The following CTAGE1 variants were observed in gnomAD, a reference collection of about 807,000 sequenced individuals.
CTAGE1 encodes the protein cTAGE family member 2.
For missense variants in CTAGE1, 963 were observed against 855.9 expected, an observed-to-expected ratio of 1.13 and a Z score of -1.56; for synonymous variants, 332 against 302.8, an observed-to-expected ratio of 1.10 and a Z score of -1.00.
chr18:22,415,383 C>G lies in CTAGE1; in HGVS notation c.*191G>C, dbSNP rs1007232735. The G allele has an allele frequency of 1.7e-5, 9 of 539,276 alleles. No homozygotes were observed. The highest frequency in any genetic ancestry group is 2.3e-5 in the Non-Finnish European group (7 of 302,370). The allele number at this position is 539,276 out of a possible 1,614,324, so 33.4% of individuals were successfully genotyped here. On this transcript the variant is annotated 3_prime_UTR_variant, in exon 1 of 1. Transcript: ENST00000391403. ...AAATACTATCCTGGGAATTATAGTT[C>G]CATTAAGTTTCAATCTGAACAAAAG...
Position 22,417,724 on chromosome 18 carries a change from A to G in CTAGE1, c.88T>C (p.Trp30Arg), listed in dbSNP as rs767099679. 3 of 1,614,154 alleles carry G rather than the reference A, an allele frequency of 1.9e-6. No homozygotes were observed. Among genetic ancestry groups the G allele is most frequent in the East Asian group, 2.2e-5 (1 of 44,894 alleles). ...VAGFFAVLFL[W>R]RSFRSVTSRL... ...CTCGTAACTGATCTAAAACTTCTCCACAAGAAGAGAACAGCAAAAAATCCA... is the reference window on the plus strand; with the variant it reads ...CTCGTAACTGATCTAAAACTTCTCCGCAAGAAGAGAACAGCAAAAAATCCA... The change falls in exon 1 of 1, where the codon TGG (tryptophan) becomes CGG (arginine). Residue 30 changes from tryptophan (W) to arginine (R), a missense_variant. Coordinates refer to ENST00000391403, the MANE Select transcript of CTAGE1 (RefSeq NM_172241.3).
rs1418629022 is a variant in CTAGE1 at position 22,416,980 on chromosome 18, G to A, written c.832C>T (p.Pro278Ser). The change falls in exon 1 of 1, where the codon CCT becomes TCT. Residue 278 changes from proline to serine, a missense_variant. Pro to Ser is a moderately conservative substitution (Grantham distance 74). Transcript: ENST00000391403. ...ESEDGAYLDNPPKGALKKLIH... is the reference protein window; with the variant it reads ...ESEDGAYLDNSPKGALKKLIH... ...AGTTTCTTCAAAGCTCCTTTTGGAG[G>A]ATTATCTAAGTAAGCACCATCTTCC... 4 of 1,613,818 alleles carry A rather than the reference G, an allele frequency of 2.5e-6. No individual in the cohort carries two copies. Among genetic ancestry groups the A allele is most frequent in the Non-Finnish European group, 2.5e-6 (3 of 1,179,882 alleles).
rs1374035960 is a variant in CTAGE1, at chr18:22,415,881, A to C, written c.1931T>G (p.Val644Gly). The change falls in exon 1 of 1, where the codon GTG becomes GGG. Residue 644 changes from valine to glycine, a missense_variant. Val to Gly is a moderately radical substitution (Grantham distance 109, BLOSUM62 -3). Transcript: ENST00000391403. ...TTCAGCGGGGAGAGATGAATCAGGC[A>C]CCTTTAAATTACCAAGATTATCTTT... ...DTKDNLGNLK[V>G]PDSSLPAENE... is the part of the protein sequence containing the mutation. The C allele has an allele frequency of 6.2e-7, 1 of 1,613,874 alleles. No individual in the cohort carries two copies. The highest frequency in any genetic ancestry group is 8.5e-7 in the Non-Finnish European group (1 of 1,179,856).
rs545500925 is a variant in CTAGE1 at position 22,416,783 on chromosome 18, A to C, written c.1029T>G (p.Ser343Arg). Reference sequence around the variant, plus strand: ...GTTTCTGCTGAAGCTTCTGATTCTCACTTTCAAAATGTGTGTTTTCTGACT... The same window carrying C: ...GTTTCTGCTGAAGCTTCTGATTCTCCCTTTCAAAATGTGTGTTTTCTGACT... ...SLQSENTHFE[S>R]ENQKLQQKLK... The change falls in exon 1 of 1, where the codon AGT becomes AGG. Residue 343 changes from serine to arginine, a missense_variant. Transcript: ENST00000391403. 1.4e-5 allele frequency: 22 copies of C among 1,612,362 alleles called. No individual in the cohort carries two copies. The highest frequency in any genetic ancestry group is 1.9e-5 in the Non-Finnish European group (22 of 1,179,776).
At position 22,417,556 on chromosome 18, in the gene CTAGE1, T is replaced by G; in HGVS notation, c.256A>C (p.Ser86Arg). The G allele has an allele frequency of 6.2e-7, 1 of 1,614,032 alleles. No individual in the cohort carries two copies. The highest frequency in any genetic ancestry group is 8.5e-7 in the Non-Finnish European group (1 of 1,179,872). The change falls in exon 1 of 1, where the codon AGC becomes CGC. Residue 86 changes from serine to arginine, a missense_variant. Physicochemically the swap from Ser to Arg is moderately radical, Grantham distance 110. Coordinates refer to ENST00000391403, the MANE Select transcript of CTAGE1 (RefSeq NM_172241.3). ...GCTTCTGTTGCCTCCTTCTCAAAGC[T>G]GGCATTCTTTAAAGATGACTCTACT... ...YEVESSLKNA[S>R]FEKEATEAQS...
rs764486842 is a variant in CTAGE1, at chr18:22,416,050, G to C, written c.1762C>G (p.Leu588Val). 8 of 1,613,962 alleles carry C rather than the reference G, an allele frequency of 5.0e-6. No homozygotes were observed. Among genetic ancestry groups the C allele is most frequent in the Non-Finnish European group, 6.8e-6 (8 of 1,179,858 alleles). ...PPGQSYPDSA[L>V]PPQRQDRFYS... ...AATCTGTCTTGCCTTTGTGGAGGGA[G>C]AGCTGAATCAGGATATGATTGTCCT... The change falls in exon 1 of 1, where the codon CTC becomes GTC. Residue 588 changes from leucine (L) to valine (V), a missense_variant. By Grantham distance (32) the Leu-to-Val change is conservative. Coordinates refer to ENST00000391403, the MANE Select transcript of CTAGE1 (RefSeq NM_172241.3).
Position 22,415,785 on chromosome 18 carries a change from T to C in CTAGE1, c.2027A>G (p.Asp676Gly). Residue 676 changes from aspartate to glycine, a missense_variant, in exon 1 of 1, where the codon GAT (aspartate) becomes GGT (glycine). Physicochemically the swap from Asp to Gly is moderately conservative, Grantham distance 94 (BLOSUM62 -1). Transcript: ENST00000391403. The part of the protein sequence containing the change: ...APIRGLLFPV[D>G]TRGPFIRRGP... ...TCTTCTTATGAACGGGCCCCTTGTA[T>C]CTACTGGAAACAATAAACCTCTGAT... 1 of 1,613,908 alleles carries C rather than the reference T, an allele frequency of 6.2e-7. No individual in the cohort carries two copies. Among genetic ancestry groups the C allele is most frequent in the East Asian group, 2.2e-5 (1 of 44,882 alleles).
Position 22,416,620 on chromosome 18 carries a change from G to A in CTAGE1, c.1192C>T (p.Leu398=), listed in dbSNP as rs1314453404. ...TTGGCTCGCTTTCGGTAGGTCTCCA[G>A]CTCTTCAGTGGCATGGCTGATCATT... ...DEMISHATEE[L]ETYRKRAKDL... is the part of the protein sequence containing the mutation. The change falls in exon 1 of 1, where the codon CTG becomes TTG. Residue 398 remains leucine (L), a synonymous_variant. Transcript: ENST00000391403. 1.2e-6 allele frequency: 2 copies of A among 1,613,358 alleles called. No individual in the cohort carries two copies. The highest frequency in any genetic ancestry group is 1.7e-6 in the Non-Finnish European group (2 of 1,179,910).
Position 22,415,521 on chromosome 18 carries a change from G to A in CTAGE1, c.*53C>T. 1.4e-6 allele frequency: 2 copies of A among 1,397,648 alleles called. No homozygotes were observed. Among genetic ancestry groups the A allele is most frequent in the Non-Finnish European group, 2.0e-6 (2 of 1,020,256 alleles). The allele number at this position is 1,397,648 out of a possible 1,614,324, so 86.6% of individuals were successfully genotyped here. ...TTCTTGCTGTCGTTCTGGATGTTCAGCAGCAGGCTCATTTGAAGTCGGACT... is the reference window on the plus strand; with the variant it reads ...TTCTTGCTGTCGTTCTGGATGTTCAACAGCAGGCTCATTTGAAGTCGGACT... On this transcript the variant is annotated 3_prime_UTR_variant, in exon 1 of 1. Coordinates refer to ENST00000391403, the MANE Select transcript of CTAGE1 (RefSeq NM_172241.3).
In CTAGE1 at chr18:22,415,533, T is replaced by C; in HGVS notation, c.*41A>G. 2.0e-6 allele frequency: 3 copies of C among 1,467,600 alleles called. No homozygotes were observed. Among genetic ancestry groups the C allele is most frequent in the Non-Finnish European group, 2.8e-6 (3 of 1,080,590 alleles). 90.9% of individuals were successfully genotyped at this position (1,467,600 alleles called of 1,614,324 possible). A position where few individuals can be genotyped will look rare whatever the true frequency, so the allele number is the denominator to read the frequency against. ...TTCTGGATGTTCAGCAGCAGGCTCA[T>C]TTGAAGTCGGACTCAACCCTGATGG... On this transcript the variant is annotated 3_prime_UTR_variant, in exon 1 of 1. Coordinates refer to ENST00000391403, the MANE Select transcript of CTAGE1 (RefSeq NM_172241.3).
chr18:22,416,422 T>C lies in CTAGE1; in HGVS notation c.1390A>G (p.Ile464Val), dbSNP rs751844137. Residue 464 changes from isoleucine to valine, a missense_variant, in exon 1 of 1, where the codon ATA (isoleucine) becomes GTA (valine). Ile to Val is a conservative substitution (Grantham distance 29). Coordinates refer to ENST00000391403, the MANE Select transcript of CTAGE1 (RefSeq NM_172241.3). ...RQKLTEIEFK[I>V]KLLEKDPYGL... ...TAAGGATCTTTTTCTAAAAGTTTTA[T>C]TTTAAACTCTATTTCAGTTAATTTT... The C allele has an allele frequency of 5.0e-6, 8 of 1,613,648 alleles. No individual in the cohort carries two copies. In the South Asian group the frequency reaches 7.7e-5, roughly 16 times the overall value.
Position 22,416,276 on chromosome 18 carries a change from A to G in CTAGE1, c.1536T>C (p.Gly512=). ...GAAGCAAAGGTGAGAGTCTGAGAGG[A>G]CCTTCCAACAAAGTTGGAGGATAGA... is the stretch of plus-strand genomic sequence containing the variant. ...ASLYPPTLLE[G]PLRLSPLLPR... is the part of the protein sequence containing the mutation. Residue 512 remains glycine (G), a synonymous_variant, in exon 1 of 1, where the codon GGT becomes GGC. Coordinates refer to ENST00000391403, the MANE Select transcript of CTAGE1 (RefSeq NM_172241.3). 4 of 1,613,906 alleles carry G rather than the reference A, an allele frequency of 2.5e-6. No homozygotes were observed. The highest frequency in any genetic ancestry group is 3.4e-6 in the Non-Finnish European group (4 of 1,179,860).
At position 22,414,760 on chromosome 18, in the gene CTAGE1, G is replaced by A; in HGVS notation, c.*814C>T. ...GAGAAACTGATCTATATAATTCTGG[G>A]GCAAGTAAAAGTTCTGGATAAAGTT... On this transcript the variant is annotated 3_prime_UTR_variant, in exon 1 of 1. Transcript: ENST00000391403. The A allele has an allele frequency of 1.4e-6, 1 of 702,702 alleles. No homozygotes were observed. The highest frequency in any genetic ancestry group is 1.5e-5 in the South Asian group (1 of 67,576). 43.5% of individuals were successfully genotyped at this position (702,702 alleles called of 1,614,324 possible).
In CTAGE1 at chr18:22,416,482, T is replaced by C. The variant is rs1355090554; in HGVS notation, c.1330A>G (p.Asn444Asp). The C allele has an allele frequency of 6.2e-7, 1 of 1,614,112 alleles. No homozygotes were observed. The highest frequency in any genetic ancestry group is 1.7e-5 in the Admixed American group (1 of 60,030). ...SAAWTAERNLNDLRKENAHNR... is the reference protein window; with the variant it reads ...SAAWTAERNLDDLRKENAHNR... The stretch of plus-strand genomic sequence containing the variant: ...TGAGCATTTTCTTTCCTTAAATCAT[T>C]GAGGTTTCTTTCAGCAGTCCAAGCT... Residue 444 changes from asparagine (N) to aspartate (D), a missense_variant, in exon 1 of 1, where the codon AAT (asparagine) becomes GAT (aspartate). Coordinates refer to ENST00000391403, the MANE Select transcript of CTAGE1 (RefSeq NM_172241.3).
rs371399371 is a variant in CTAGE1, at chr18:22,417,818, A to G, written c.-7T>C. Reference sequence around the variant, plus strand: ...GATGAGAATCGGGTCTCATACCTTCAGTCAGTGCTGCCACAACCCTGCGTA... The same window carrying G: ...GATGAGAATCGGGTCTCATACCTTCGGTCAGTGCTGCCACAACCCTGCGTA... On this transcript the variant is annotated 5_prime_UTR_variant, in exon 1 of 1. Coordinates refer to ENST00000391403, the MANE Select transcript of CTAGE1 (RefSeq NM_172241.3). 1.3e-4 allele frequency: 209 copies of G among 1,614,008 alleles called. No individual in the cohort carries two copies. Among genetic ancestry groups the G allele is most frequent in the Non-Finnish European group, 1.7e-4 (201 of 1,179,968 alleles).
In CTAGE1 at chr18:22,415,583, G is replaced by T; in HGVS notation, c.2229C>A (p.Pro743=). 1.9e-6 allele frequency: 3 copies of T among 1,598,656 alleles called. No individual in the cohort carries two copies. The highest frequency in any genetic ancestry group is 8.5e-7 in the Non-Finnish European group (1 of 1,172,462). ...GAAACTCATTCTACCTTCAGAATGTGGGGGCTGGGGGGAAAAATGCAGGTC... is the reference window on the plus strand; with the variant it reads ...GAAACTCATTCTACCTTCAGAATGTTGGGGCTGGGGGGAAAAATGCAGGTC... ...PPRPAFFPPA[P]TF The change falls in exon 1 of 1, where the codon CCC becomes CCA. Residue 743 remains proline, a synonymous_variant. Coordinates refer to ENST00000391403, the MANE Select transcript of CTAGE1 (RefSeq NM_172241.3).
chr18:22,417,205 T>C lies in CTAGE1; in HGVS notation c.607A>G (p.Lys203Glu). ...TTAATAAGTTCACTCACTTGTTCTT[T>C]CCATACTTCAGCTTCTTGCAAAAGC... is the stretch of plus-strand genomic sequence containing the variant. ...KQLLQEAEVW[K>E]EQVSELIKQK... Residue 203 changes from lysine to glutamate, a missense_variant, in exon 1 of 1, where the codon AAA becomes GAA. Lys to Glu is a moderately conservative substitution (Grantham distance 56). Coordinates refer to ENST00000391403, the MANE Select transcript of CTAGE1 (RefSeq NM_172241.3). 6.2e-7 allele frequency: 1 copy of C among 1,613,998 alleles called. No homozygotes were observed. The highest frequency in any genetic ancestry group is 2.2e-5 in the East Asian group (1 of 44,876).
rs370758105 is a variant in CTAGE1 at position 22,417,154 on chromosome 18, T to C, written c.658A>G (p.Lys220Glu). Residue 220 changes from lysine to glutamate, a missense_variant, in exon 1 of 1, where the codon AAA (lysine) becomes GAA (glutamate). Transcript: ENST00000391403. Reference protein sequence around the residue: ...IKQKRTFEDSKVHAEQVLNDK... With the variant: ...IKQKRTFEDSEVHAEQVLNDK... Reference sequence around the variant, plus strand: ...TTTAGAACTTGTTCTGCATGTACTTTGGAGTCTTCAAATGTTCTTTTCTGT... The same window carrying C: ...TTTAGAACTTGTTCTGCATGTACTTCGGAGTCTTCAAATGTTCTTTTCTGT... 35 of 1,613,842 alleles carry C rather than the reference T, an allele frequency of 2.2e-5. No individual in the cohort carries two copies. The highest frequency in any genetic ancestry group is 2.7e-5 in the Non-Finnish European group (32 of 1,179,850).
chr18:22,415,782 G>A lies in CTAGE1; in HGVS notation c.2030C>T (p.Thr677Ile), dbSNP rs200236064. 1.8e-3 allele frequency: 2,866 copies of A among 1,613,962 alleles called. 5 individuals are homozygous for A. The highest frequency in any genetic ancestry group is 2.3e-3 in the Non-Finnish European group (2,677 of 1,179,858). The change falls in exon 1 of 1, where the codon ACA becomes ATA. Residue 677 changes from threonine to isoleucine, a missense_variant. Physicochemically the swap from Thr to Ile is moderately conservative, Grantham distance 89. Coordinates refer to ENST00000391403, the MANE Select transcript of CTAGE1 (RefSeq NM_172241.3). ...TCCTCTTCTTATGAACGGGCCCCTT[G>A]TATCTACTGGAAACAATAAACCTCT... ...PIRGLLFPVD[T>I]RGPFIRRGPP...
Sources: gnomAD v4.1 joint callset for allele counts on GRCh38, gnomAD v4.1.1 for gene constraint, MANE v1.5 for transcripts, NCBI Gene and HGNC (gene_info 2026-07-23, HGNC 2026-07-21) for gene names.